The following STK24 variants were observed in gnomAD, a reference collection of about 807,000 sequenced individuals.
STK24 encodes the protein serine/threonine kinase 24, also known as serine/threonine-protein kinase 24.
STK24 carries 21 observed loss-of-function variants against 55.6 expected under a neutral mutation model. That is an observed-to-expected ratio of 0.38 (90% CI 0.27 to 0.54). The LOEUF (loss-of-function observed/expected upper bound fraction) is 0.54. Among genes scored for constraint, STK24 ranks in the 20% least tolerant of loss-of-function variants. The pLI is 0.79. For missense variants in STK24, 383 were observed against 538.4 expected, an observed-to-expected ratio of 0.71 and a Z score of 2.86; for synonymous variants, 200 against 215.2, an observed-to-expected ratio of 0.93 and a Z score of 0.62.
chr13:98,531,275 T>C (rs1053931006), intron 1 of STK24, among the ~76,000 whole-genome samples: 5 of 152,114 alleles, frequency 3.3e-5, no homozygotes, highest in African/African-American at 1.2e-4. Flanking sequence ...CTGTCCTTTT[T>C]ATAAAATATC....
rs1893186426 is a variant in STK24, at chr13:98,451,395, A to G, written c.*1778T>C. The G allele has an allele frequency of 6.6e-6, 1 of 152,246 alleles. No homozygotes were observed. Among genetic ancestry groups the G allele is most frequent in the Non-Finnish European group, 1.5e-5 (1 of 68,042 alleles). 9.4% of individuals were successfully genotyped at this position (152,246 alleles called of 1,614,324 possible). On this transcript the variant is annotated 3_prime_UTR_variant, in exon 11 of 11. Coordinates refer to ENST00000539966, the MANE Select transcript of STK24 (RefSeq NM_001032296.4). ...TCAACATAACATTCTTGTATGGAGT[A>G]ATGAGTACAATAAGAATTAGCAACT...
chr13:98,519,237 C>A lies in STK24; in HGVS notation c.273+6G>T. The A allele has an allele frequency of 6.2e-7, 1 of 1,611,600 alleles. No homozygotes were observed. Among genetic ancestry groups the A allele is most frequent in the Non-Finnish European group, 8.5e-7 (1 of 1,177,794 alleles). ...GAACGGAGAAGCACGTTATTTTAAGCCTTACCTTCAGATAGGATCCATAAT... is the reference window on the plus strand; with the variant it reads ...GAACGGAGAAGCACGTTATTTTAAGACTTACCTTCAGATAGGATCCATAAT... On this transcript the variant is annotated splice_donor_region_variant and intron_variant, in intron 2 of 10. Transcript: ENST00000539966.
chr13:98,475,150 CA>C (rs754149629), intron 4 of STK24, 99 bp downstream of exon 4: 2 of 1,395,084 alleles, frequency 1.4e-6, no homozygotes, highest in Non-Finnish European at 9.8e-7. Flanking sequence ...GGCAAACGTG[CA>C]GGACAAATGG....
At chr13:98,544,146 G>C (rs556135117) in intron 1 of STK24, among the ~76,000 whole-genome samples, 1 of 152,166 alleles carries the variant, frequency 6.6e-6, no homozygotes, top group Non-Finnish European at 1.5e-5. Context: ...ATAAAACTAG[G>C]AACTACTCTC....
intron 1 of STK24, among the ~76,000 whole-genome samples, chr13:98,544,036 T>C (rs1408678022): frequency 6.6e-6 from 1 of 152,182 alleles, no homozygotes; most frequent in Non-Finnish European, 1.5e-5. Flanking sequence ...AAGAGGCTTC[T>C]AGTAAAAGCC....
intron 1 of STK24, among the ~76,000 whole-genome samples, chr13:98,564,772 G>T (rs1224322124): frequency 6.6e-6 from 1 of 152,098 alleles, no homozygotes; most frequent in East Asian, 1.9e-4. Context: ...GCACGCAGTA[G>T]CATAAGCCTG....
At chr13:98,463,911 C>A in intron 6 of STK24, 75 bp from the exon 7 acceptor site, 698 of 1,522,586 alleles carry the variant, frequency 4.6e-4, no homozygotes, top group Non-Finnish European at 5.5e-4. Flanking sequence ...ACTTCTGCCT[C>A]AAAATGTCAA....
chr13:98,569,864 A>AC (rs1329435061), intron 1 of STK24, among the ~76,000 whole-genome samples: 1 of 147,314 alleles, frequency 6.8e-6, no homozygotes, highest in Non-Finnish European at 1.5e-5. Flanking sequence ...AAAAAAAAAA[A>AC]ACACAGGCAG....
chr13:98,555,417 TAA>T (rs1897262645), intron 1 of STK24, among the ~76,000 whole-genome samples: 1 of 150,988 alleles, frequency 6.6e-6, no homozygotes, highest in Non-Finnish European at 1.5e-5. Context: ...CCATCTCTAC[TAA>T]AAACAAAAAA....
chr13:98,550,650 G>A (rs1897135155), intron 1 of STK24, among the ~76,000 whole-genome samples: 1 of 152,128 alleles, frequency 6.6e-6, no homozygotes, highest in Non-Finnish European at 1.5e-5. Context: ...TTATACTGGT[G>A]GTCCCATGAA....
intron 1 of STK24, among the ~76,000 whole-genome samples, chr13:98,567,695 C>G (rs890212259): frequency 1.9e-4 from 29 of 152,316 alleles, no homozygotes; most frequent in African/African-American, 6.7e-4. Flanking sequence ...GCCCGCCGCC[C>G]TGGCCCAGCA....
At position 98,516,699 on chromosome 13, in the gene STK24, T is replaced by C. The variant is rs541084078; in HGVS notation, c.273+2544A>G. 2.4e-4 allele frequency among the ~76,000 whole-genome samples: 37 copies of C among 152,076 alleles called. No homozygotes were observed. In the East Asian group the frequency reaches 7.0e-3, roughly 29 times the overall value. On this transcript the variant is annotated intron_variant, in intron 2 of 10. Transcript: ENST00000539966. The stretch of plus-strand genomic sequence containing the variant: ...AGCTGAGCACAGCCACTTGTCAAGA[T>C]GAAGGAACAATAAGATAAAAGGAAC...
At chr13:98,509,797 CCT>C (rs1452458204) in intron 2 of STK24, among the ~76,000 whole-genome samples, 1 of 152,022 alleles carries the variant, frequency 6.6e-6, no homozygotes, top group Non-Finnish European at 1.5e-5. Flanking sequence ...AGCCCCACGC[CCT>C]GTTCCCTCTT....
rs555888135 is a variant in STK24, at chr13:98,571,017, G to C, written c.42+5728C>G. 3.5e-4 allele frequency among the ~76,000 whole-genome samples: 53 copies of C among 152,248 alleles called. 1 individual carries two copies. Among genetic ancestry groups the C allele is most frequent in the African/African-American group, 1.2e-3 (51 of 41,530 alleles). Reference sequence around the variant, plus strand: ...TTAAAAGGCACAGAAAGGTGGCTTGGGTGTGGTCCACTTCCTGCAGGTAAG... The same window carrying C: ...TTAAAAGGCACAGAAAGGTGGCTTGCGTGTGGTCCACTTCCTGCAGGTAAG... On this transcript the variant is annotated intron_variant, in intron 1 of 10. Coordinates refer to ENST00000539966, the MANE Select transcript of STK24 (RefSeq NM_001032296.4).
intron 5 of STK24, among the ~76,000 whole-genome samples, chr13:98,472,552 G>A (rs1002407617): frequency 2.0e-5 from 3 of 152,222 alleles, no homozygotes; most frequent in African/African-American, 7.2e-5. Flanking sequence ...TTCAGGAGAG[G>A]AGGGAGTGTG....
At chr13:98,513,419 G>A (rs1322775885) in intron 2 of STK24, among the ~76,000 whole-genome samples, 1 of 152,200 alleles carries the variant, frequency 6.6e-6, no homozygotes, top group East Asian at 1.9e-4. Context: ...TCCTGTGGAC[G>A]TGATAAGCAT....
At chr13:98,511,236 G>A (rs1271431296) in intron 2 of STK24, among the ~76,000 whole-genome samples, 2 of 152,216 alleles carry the variant, frequency 1.3e-5, no homozygotes, top group African/African-American at 4.8e-5. Flanking sequence ...ACGGGAAATA[G>A]TAAGCGTCTT....
intron 2 of STK24, among the ~76,000 whole-genome samples, chr13:98,494,145 C>T (rs1171516114): frequency 7.0e-6 from 1 of 143,490 alleles, no homozygotes; most frequent in Non-Finnish European, 1.5e-5. Flanking sequence ...GGCACGGTGG[C>T]TCAAGCCTGT....
rs1479779198 is a variant in STK24, at chr13:98,449,731, C to A, written c.*3442G>T. 6.6e-6 allele frequency: 1 copy of A among 152,324 alleles called. No homozygotes were observed. Among genetic ancestry groups the A allele is most frequent in the Non-Finnish European group, 1.5e-5 (1 of 68,008 alleles). 9.4% of individuals were successfully genotyped at this position (152,324 alleles called of 1,614,324 possible). On this transcript the variant is annotated 3_prime_UTR_variant, in exon 11 of 11. Coordinates refer to ENST00000539966, the MANE Select transcript of STK24 (RefSeq NM_001032296.4). ...TAACAAAGGGAATAAAAATACCTCA[C>A]GCCACAATCCAGCATATTGATGTTT... is the stretch of plus-strand genomic sequence containing the variant.
Sources: allele counts gnomAD v4.1 joint callset (sites outside exome capture counted in the v4.1 genomes callset), GRCh38; gene constraint gnomAD v4.1.1; transcripts MANE v1.5; gene names NCBI Gene and HGNC (gene_info 2026-07-23, HGNC 2026-07-21).